The following RYR2 variants were observed in gnomAD, a reference collection of about 807,000 sequenced individuals.
The protein encoded by RYR2 is cardiac muscle ryanodine receptor-calcium release channel.
In RYR2, 227 loss-of-function variants were observed where a neutral mutation model predicts 601.1. That is an observed-to-expected ratio of 0.38 (90% CI 0.34 to 0.42). The LOEUF (loss-of-function observed/expected upper bound fraction) is 0.42, where lower values mean the gene tolerates loss of function less well. Ranked by LOEUF, RYR2 falls within the 10% of genes least tolerant of loss-of-function variation. RYR2 has a pLI of 1.00. For synonymous variants in RYR2, 2,223 were observed against 2,175.1 expected, an observed-to-expected ratio of 1.02 and a Z score of -0.61; for missense variants, 4,646 against 6,156.5, an observed-to-expected ratio of 0.75 and a Z score of 8.21.
chr1:237,624,459 C>T (rs544767902), intron 39 of RYR2, among the ~76,000 whole-genome samples: 3 of 152,234 alleles, frequency 2.0e-5, no homozygotes, highest in African/African-American at 4.8e-5. Flanking sequence ...TGCATGTGTC[C>T]AAGCTCATAT....
chr1:237,509,944 GAC>G (rs1334358743), intron 23 of RYR2, among the ~76,000 whole-genome samples: 1 of 152,196 alleles, frequency 6.6e-6, no homozygotes, highest in Non-Finnish European at 1.5e-5. Context: ...GTTGCAAGAG[GAC>G]ACCTCTGCTG....
chr1:237,215,832 A>C (rs1683096616), intron 1 of RYR2, among the ~76,000 whole-genome samples: 1 of 152,202 alleles, frequency 6.6e-6, no homozygotes, highest in Non-Finnish European at 1.5e-5. Context: ...TAATGGATTC[A>C]TATTTTAGTA....
chr1:237,765,768 A>G lies in RYR2; in HGVS notation c.11476+4740A>G, dbSNP rs532994739. Among the ~76,000 whole-genome samples the G allele has an allele frequency of 3.9e-5, 6 of 152,308 alleles. 1 individual carries two copies. In the South Asian group the frequency reaches 1.0e-3, roughly 26 times the overall value. Reference sequence around the variant, plus strand: ...TTGTGATGTTGGTTCGTGGCACCAAATACATTTTCTTAACATCCTTGCAGT... The same window carrying G: ...TTGTGATGTTGGTTCGTGGCACCAAGTACATTTTCTTAACATCCTTGCAGT... On this transcript the variant is annotated intron_variant, in intron 84 of 104. Coordinates refer to ENST00000366574, the MANE Select transcript of RYR2 (RefSeq NM_001035.3).
In RYR2 at chr1:237,180,073, A is replaced by C. The variant is rs978891795; in HGVS notation, c.49-90424A>C. On this transcript the variant is annotated intron_variant, in intron 1 of 104. Coordinates refer to ENST00000366574, the MANE Select transcript of RYR2 (RefSeq NM_001035.3). This position sits in a 1 kb window ranked among gnomAD's most constrained non-coding sequence, Gnocchi z 5.3. ...ATATTGTTGATGGGAGACCCGACTT[A>C]CTGAGCCATGTCCGTGTCGTCCTGT... 2.6e-5 allele frequency among the ~76,000 whole-genome samples: 4 copies of C among 152,110 alleles called. No homozygotes were observed. The highest frequency in any genetic ancestry group is 4.4e-5 in the Non-Finnish European group (3 of 68,024).
At chr1:237,787,729 G>T (rs904408243) in intron 91 of RYR2, among the ~76,000 whole-genome samples, 4 of 151,332 alleles carry the variant, frequency 2.6e-5, no homozygotes, top group Admixed American at 2.0e-4. Flanking sequence ...AATCTGCTAT[G>T]CATAAAGATT....
chr1:237,753,465 G>A lies in RYR2; in HGVS notation c.11146-2823G>A, dbSNP rs1390103721. On this transcript the variant is annotated intron_variant, in intron 80 of 104. Coordinates refer to ENST00000366574, the MANE Select transcript of RYR2 (RefSeq NM_001035.3). ...GTTATAACCAAAAGCAAATCATGAT[G>A]TAAAATACTTCTGTTCATTACCAGT... Among the ~76,000 whole-genome samples, 6 of 152,164 alleles carry A rather than the reference G, an allele frequency of 3.9e-5. No individual in the cohort carries two copies. In the East Asian group the frequency reaches 1.2e-3, roughly 29 times the overall value.
intron 1 of RYR2, among the ~76,000 whole-genome samples, chr1:237,132,830 T>G (rs1672304299): frequency 6.6e-6 from 1 of 151,964 alleles, no homozygotes; most frequent in Non-Finnish European, 1.5e-5. Context: ...TGTCGAAGTG[T>G]TAAGGAGAGA....
intron 100 of RYR2, among the ~76,000 whole-genome samples, chr1:237,814,958 CTTTTTTCTTT>C (rs1431145084): frequency 2.9e-4 from 36 of 122,596 alleles, no homozygotes; most frequent in African/African-American, 1.1e-3. Context: ...CTCCTTTTTT[CTTTTTTCTTT>C]TTTTTTTTTT....
intron 23 of RYR2, 68 bp from the exon 24 acceptor site, chr1:237,511,620 C>A: frequency 4.1e-6 from 5 of 1,224,324 alleles, no homozygotes; most frequent in Non-Finnish European, 5.9e-6. Flanking sequence ...TTCTACCACA[C>A]AGTTGAATTC....
At chr1:237,107,491 G>A (rs1165876555) in intron 1 of RYR2, among the ~76,000 whole-genome samples, 1 of 112,822 alleles carries the variant, frequency 8.9e-6, no homozygotes, top group African/African-American at 3.2e-5. Flanking sequence ...CTGCACTCCA[G>A]CCTGGGAGAC....
At chr1:237,498,761 T>A (rs1403501874) in intron 20 of RYR2, among the ~76,000 whole-genome samples, 1 of 152,132 alleles carries the variant, frequency 6.6e-6, no homozygotes, top group Non-Finnish European at 1.5e-5. Context: ...ATCTGTTCAG[T>A]AGAACAATAA....
At chr1:237,555,733 T>G (rs1670816701) in intron 27 of RYR2, among the ~76,000 whole-genome samples, 1 of 152,084 alleles carries the variant, frequency 6.6e-6, no homozygotes, top group Non-Finnish European at 1.5e-5. Flanking sequence ...AATTTTAAAC[T>G]TATAGATAAT....
intron 101 of RYR2, among the ~76,000 whole-genome samples, chr1:237,824,006 A>G (rs941099672): frequency 2.0e-5 from 3 of 152,216 alleles, no homozygotes; most frequent in South Asian, 2.1e-4. Flanking sequence ...GAATAGATCA[A>G]TAATAAGTTC....
intron 2 of RYR2, among the ~76,000 whole-genome samples, chr1:237,328,806 C>T (rs1451923250): frequency 6.6e-6 from 1 of 152,020 alleles, no homozygotes; most frequent in Non-Finnish European, 1.5e-5. Flanking sequence ...GGTAGAGGTT[C>T]AATTTAATAA....
At chr1:237,298,056 G>A (rs1692976878) in intron 2 of RYR2, among the ~76,000 whole-genome samples, 1 of 151,620 alleles carries the variant, frequency 6.6e-6, no homozygotes, top group South Asian at 2.1e-4. Flanking sequence ...ACAGTGCCCA[G>A]CCATAATGTT....
chr1:237,430,821 C>A lies in RYR2; in HGVS notation c.1005+7573C>A, dbSNP rs937834435. Among the ~76,000 whole-genome samples, 8 of 152,074 alleles carry A rather than the reference C, an allele frequency of 5.3e-5. 1 individual carries two copies. The South Asian group carries it at 8.3e-4, about 16-fold the overall frequency. ...TGCCCAAAGCAATAGCTTTTGAAAC[C>A]TTTTTCTCTGAATATCCCTCCTAAT... On this transcript the variant is annotated intron_variant, in intron 12 of 104. Coordinates refer to ENST00000366574, the MANE Select transcript of RYR2 (RefSeq NM_001035.3).
intron 10 of RYR2, among the ~76,000 whole-genome samples, chr1:237,389,709 C>T (rs1702225818): frequency 6.6e-6 from 1 of 152,108 alleles, no homozygotes; most frequent in Non-Finnish European, 1.5e-5. Context: ...CTAAGGATTG[C>T]AGGAGATGGT....
intron 1 of RYR2, among the ~76,000 whole-genome samples, chr1:237,065,264 C>T (rs948361151): frequency 1.8e-4 from 21 of 119,154 alleles, no homozygotes; most frequent in African/African-American, 5.1e-4. Flanking sequence ...CTCTTGTGTG[C>T]TATCCTTTTT....
intron 22 of RYR2, among the ~76,000 whole-genome samples, chr1:237,506,390 T>C (rs1402542745): frequency 6.6e-6 from 1 of 151,852 alleles, no homozygotes; most frequent in African/African-American, 2.4e-5. Context: ...ACAAAAAAAT[T>C]AGCCGGGCGT....
Sources: gnomAD v4.1 joint callset for allele counts (sites outside exome capture counted in the v4.1 genomes callset) on GRCh38, gnomAD v4.1.1 for gene constraint, Gnocchi (gnomAD v3.1) non-coding constraint, MANE v1.5 for transcripts, NCBI Gene and HGNC (gene_info 2026-07-23, HGNC 2026-07-21) for gene names.